The following PREX1 variants were observed in gnomAD, a reference collection of about 807,000 sequenced individuals.
The protein encoded by PREX1 is phosphatidylinositol 3,4,5-trisphosphate-dependent Rac exchanger 1 protein.
A neutral mutation model predicts 198.3 loss-of-function variants in PREX1; 41 were observed. The ratio of observed to expected loss-of-function variants is 0.21; its 90% CI spans 0.16 to 0.27. PREX1 has a LOEUF of 0.27. Ranked by LOEUF, PREX1 falls within the 10% of genes least tolerant of loss-of-function variation. The pLI is 1.00. For missense variants in PREX1, 1,620 were observed against 2,200.7 expected, an observed-to-expected ratio of 0.74 and a Z score of 5.28; for synonymous variants, 843 against 887.2, an observed-to-expected ratio of 0.95 and a Z score of 0.89.
intron 1 of PREX1, among the ~76,000 whole-genome samples, chr20:48,778,790 A>G (rs1459004774): frequency 6.6e-6 from 1 of 152,236 alleles, no homozygotes; most frequent in African/African-American, 2.4e-5. Context: ...CTTTAAACCA[A>G]TGATCTTGGA....
Position 48,790,612 on chromosome 20 carries a change from T to C in PREX1, c.219+37030A>G, listed in dbSNP as rs112962462. ...CTTTTCTTAGACTCTGAGGAGTTTTTGCCTAAATTAGAGCCTGCAATATGC... is the reference window on the plus strand; with the variant it reads ...CTTTTCTTAGACTCTGAGGAGTTTTCGCCTAAATTAGAGCCTGCAATATGC... On this transcript the variant is annotated intron_variant, in intron 1 of 39. Coordinates refer to ENST00000371941, the MANE Select transcript of PREX1 (RefSeq NM_020820.4). Among the ~76,000 whole-genome samples the C allele has an allele frequency of 1.8e-4, 27 of 152,318 alleles. 1 individual carries two copies. Among genetic ancestry groups the C allele is most frequent in the African/African-American group, 6.3e-4 (26 of 41,546 alleles).
chr20:48,834,768 C>T, the PREX1 span, among the ~76,000 whole-genome samples: 39 of 152,300 alleles, frequency 2.6e-4, no homozygotes, highest in Non-Finnish European at 5.0e-4. Context: ...CTATGTTGCC[C>T]AGGCTGGTCT....
At chr20:48,651,705 A>G (rs1214006910) in intron 21 of PREX1, 122 bp from the exon 22 acceptor site, 1 of 901,032 alleles carries the variant, frequency 1.1e-6, no homozygotes, top group Non-Finnish European at 1.7e-6. Context: ...GCCCCAGGGC[A>G]GGAGTACATT....
chr20:48,833,688 C>T, the PREX1 span, among the ~76,000 whole-genome samples: 3 of 152,196 alleles, frequency 2.0e-5, no homozygotes, highest in East Asian at 1.9e-4. Context: ...GTGATCCATC[C>T]GCCTCGACCT....
intron 3 of PREX1, among the ~76,000 whole-genome samples, chr20:48,743,484 G>A (rs2090091537): frequency 6.6e-6 from 1 of 152,082 alleles, no homozygotes; most frequent in Non-Finnish European, 1.5e-5. Flanking sequence ...GCAGCCAAAG[G>A]GCCTGTGGAC....
chr20:48,652,977 C>T (rs1414323007), intron 20 of PREX1, among the ~76,000 whole-genome samples: 4 of 152,190 alleles, frequency 2.6e-5, no homozygotes, highest in African/African-American at 9.7e-5. Context: ...AACACACACA[C>T]ACTGAGTGAA....
chr20:48,654,495 C>T (rs1288393127), intron 19 of PREX1, among the ~76,000 whole-genome samples: 1 of 152,192 alleles, frequency 6.6e-6, no homozygotes, highest in Non-Finnish European at 1.5e-5. Flanking sequence ...ACCCACTAAC[C>T]GCCAGAAACA....
Position 48,655,365 on chromosome 20 carries a change from T to G in PREX1, c.2134A>C (p.Ile712Leu). The stretch of plus-strand genomic sequence containing the variant: ...CACAGTGTGTCCGGCTGGTCGGGGA[T>G]TTTGATGATCCTGCACCAGGTAGAA... ...VATKAKEIIK[I>L]PDQPDTLCFQ... The change falls in exon 19 of 40, where the codon ATC becomes CTC. Residue 712 changes from isoleucine to leucine, a missense_variant. This residue lies in a region of PREX1 where 514 missense variants were observed against 611.6 expected (regional missense o/e 0.84). Transcript: ENST00000371941. 3.2e-6 allele frequency: 5 copies of G among 1,582,392 alleles called. No individual in the cohort carries two copies. Among genetic ancestry groups the G allele is most frequent in the Non-Finnish European group, 4.3e-6 (5 of 1,160,452 alleles).
chr20:48,670,373 C>A (rs74418318), intron 14 of PREX1, among the ~76,000 whole-genome samples: 23,827 of 150,256 alleles, frequency 0.16, 2,206 homozygotes, highest in Middle Eastern at 0.3. Flanking sequence ...GCCCACGTGG[C>A]GGGCATTCCA....
At position 48,649,979 on chromosome 20, in the gene PREX1, T is replaced by G. The variant is rs763145081; in HGVS notation, c.3028+17A>C. ...TGCAACATCTGAACACAGTTTCTAA[T>G]AGACACACACAGGTACCTTGCTCCG... On this transcript the variant is annotated intron_variant, in intron 24 of 39. Transcript: ENST00000371941. 1.9e-6 allele frequency: 3 copies of G among 1,611,828 alleles called. No homozygotes were observed. The highest frequency in any genetic ancestry group is 2.5e-6 in the Non-Finnish European group (3 of 1,178,270).
chr20:48,797,593 G>C (rs578097360), intron 1 of PREX1, among the ~76,000 whole-genome samples: 35 of 151,988 alleles, frequency 2.3e-4, no homozygotes, highest in African/African-American at 7.2e-4. Flanking sequence ...CTGTGTGCCC[G>C]CTCTTTCTCA....
rs773432621 is a variant in PREX1, at chr20:48,632,409, G to A, written c.4412-18C>T. 36 of 1,613,292 alleles carry A rather than the reference G, an allele frequency of 2.2e-5. No homozygotes were observed. The highest frequency in any genetic ancestry group is 3.3e-4 in the Middle Eastern group (2 of 6,062). On this transcript the variant is annotated intron_variant, in intron 34 of 39. Coordinates refer to ENST00000371941, the MANE Select transcript of PREX1 (RefSeq NM_020820.4). Reference sequence around the variant, plus strand: ...CTCCAGCACTGGGAGGGGAGATGTCGGGGGCGGGCAGGCGGTTGGGAGCCG... The same window carrying A: ...CTCCAGCACTGGGAGGGGAGATGTCAGGGGCGGGCAGGCGGTTGGGAGCCG...
At chr20:48,863,574 T>A in the PREX1 span, among the ~76,000 whole-genome samples, 1 of 150,572 alleles carries the variant, frequency 6.6e-6, no homozygotes, top group Non-Finnish European at 1.5e-5. Context: ...GTGTGTAGAC[T>A]TTTCATATTG....
chr20:48,874,864 T>G, the PREX1 span, among the ~76,000 whole-genome samples: 1 of 147,786 alleles, frequency 6.8e-6, no homozygotes. Flanking sequence ...GCAACGGGAG[T>G]GAAACTGTGT....
chr20:48,678,129 C>CTCCTG, intron 13 of PREX1, among the ~76,000 whole-genome samples: 1 of 152,318 alleles, frequency 6.6e-6, no homozygotes, highest in Admixed American at 6.5e-5. Flanking sequence ...GCCTGGCCAA[C>CTCCTG]ATGGTGAAAC....
chr20:48,737,821 T>C (rs922448569), intron 3 of PREX1, among the ~76,000 whole-genome samples: 2 of 152,164 alleles, frequency 1.3e-5, no homozygotes, highest in Non-Finnish European at 2.9e-5. Context: ...AAATCAGCAC[T>C]GCACAGATAA....
chr20:48,790,647 G>A (rs367823839), intron 1 of PREX1, among the ~76,000 whole-genome samples: 1 of 152,170 alleles, frequency 6.6e-6, no homozygotes. Flanking sequence ...CTGAAGAGAA[G>A]AAAGGGAAGG....
intron 5 of PREX1, among the ~76,000 whole-genome samples, chr20:48,719,237 T>C (rs1211710163): frequency 6.6e-6 from 1 of 152,022 alleles, no homozygotes; most frequent in Non-Finnish European, 1.5e-5. Flanking sequence ...CAAAAGGTGA[T>C]CTAGGAAGGC....
At chr20:48,857,699 G>C in the PREX1 span, among the ~76,000 whole-genome samples, 4 of 152,194 alleles carry the variant, frequency 2.6e-5, no homozygotes, top group Non-Finnish European at 5.9e-5. Context: ...CTTGAACCAA[G>C]AAGGTTGAGG....
Sources: allele counts gnomAD v4.1 joint callset (sites outside exome capture counted in the v4.1 genomes callset), GRCh38; gene constraint gnomAD v4.1.1; regional missense constraint gnomAD v4.1.1; transcripts MANE v1.5; gene names NCBI Gene and HGNC (gene_info 2026-07-23, HGNC 2026-07-21).